Variants in STS observed in about 807,000 individuals in gnomAD.
STS encodes the protein steroid sulfatase.
Under a neutral mutation model 26.8 loss-of-function variants are expected in STS, and 7 were observed. That is an observed-to-expected ratio of 0.26 (90% CI 0.15 to 0.49). The LOEUF (loss-of-function observed/expected upper bound fraction) is 0.49, where lower values mean the gene tolerates loss of function less well. STS is among the 20% of genes least tolerant of loss of function. The pLI is 0.98. For synonymous variants in STS, 199 were observed against 189.4 expected, an observed-to-expected ratio of 1.05 and a Z score of -0.42; for missense variants, 434 against 465.6, an observed-to-expected ratio of 0.93 and a Z score of 0.63.
At chrX:7,317,419 G>T (rs1297608535) in intron 8 of STS, among the ~76,000 whole-genome samples, 3 of 111,131 alleles carry the variant, frequency 2.7e-5, no homozygotes, top group African/African-American at 9.8e-5. Flanking sequence ...ATTTTGGTTG[G>T]TGTTTAATCA....
intron 3 of STS, 61 bp downstream of exon 3, chrX:7,253,397 T>C: frequency 8.4e-7 from 1 of 1,186,256 alleles, no homozygotes; most frequent in Non-Finnish European, 1.1e-6. Context: ...GTCCCCGGGA[T>C]GGTTATTGTT....
At chrX:7,194,257 G>A (rs991785417) in intron 2 of STS, among the ~76,000 whole-genome samples, 2 of 111,263 alleles carry the variant, frequency 1.8e-5, no homozygotes, top group African/African-American at 6.6e-5. Flanking sequence ...GTTGTGTGCC[G>A]AGTCAGTTCC....
At chrX:7,331,341 T>C (rs1052780916) in intron 9 of STS, among the ~76,000 whole-genome samples, 4 of 111,590 alleles carry the variant, frequency 3.6e-5, no homozygotes, top group African/African-American at 1.3e-4. Flanking sequence ...ACCATCATTG[T>C]CAGTCAGGAA....
intron 2 of STS, among the ~76,000 whole-genome samples, chrX:7,224,010 G>A (rs1921692601): frequency 9.0e-6 from 1 of 110,967 alleles, no homozygotes; most frequent in African/African-American, 3.3e-5. Context: ...GAAAAGAGTG[G>A]AATATCATTC....
rs146002318 is a variant in STS at position 7,244,924 on chromosome X, G to A, written c.-4-8272G>A. Among the ~76,000 whole-genome samples the A allele has an allele frequency of 5.1e-3, 570 of 112,034 alleles. 1 individual carries two copies. Among genetic ancestry groups the A allele is most frequent in the Non-Finnish European group, 7.2e-3 (383 of 53,182 alleles). ...TTAAGAAGTAGGTAAAGCAGTTACA[G>A]TGCTTGGTACATACTAAGCACCCAA... On this transcript the variant is annotated intron_variant, in intron 2 of 10. Transcript: ENST00000674429.
rs377433081 is a variant in STS at position 7,257,528 on chromosome X, A to G, written c.322A>G (p.Thr108Ala). The G allele has an allele frequency of 5.8e-6, 7 of 1,210,348 alleles. No individual in the cohort carries two copies. Among genetic ancestry groups the G allele is most frequent in the Non-Finnish European group, 7.8e-6 (7 of 895,004 alleles). ...CACAGCCTCTTCGGGAGGACTTCCC[A>G]CCGATGAGATTACCTTTGCTAAGCT... ...LFTASSGGLP[T>A]DEITFAKLLK... Residue 108 changes from threonine to alanine, a missense_variant, in exon 5 of 11, where the codon ACC becomes GCC. By Grantham distance (58) the Thr-to-Ala change is moderately conservative. Coordinates refer to ENST00000674429, the MANE Select transcript of STS (RefSeq NM_001320752.2).
Position 7,192,740 on chromosome X carries a change from G to A in STS, c.-5+1732G>A, listed in dbSNP as rs147082601. 5.5e-3 allele frequency among the ~76,000 whole-genome samples: 617 copies of A among 111,821 alleles called. 4 individuals are homozygous for A. The highest frequency in any genetic ancestry group is 0.019 in the African/African-American group (593 of 30,763). On this transcript the variant is annotated intron_variant, in intron 2 of 10. Coordinates refer to ENST00000674429, the MANE Select transcript of STS (RefSeq NM_001320752.2). ...ATGATTTTCAGAAGGCAGCTTCGGG[G>A]GTTACGGATGGTAGTAGTTATGTGT...
At chrX:7,260,742 A>C (rs1286253441) in intron 6 of STS, among the ~76,000 whole-genome samples, 1 of 111,987 alleles carries the variant, frequency 8.9e-6, no homozygotes, top group Non-Finnish European at 1.9e-5. Flanking sequence ...TGTGGCCATC[A>C]AGAGAGGCAA....
At chrX:7,147,501 G>A (rs779758318), upstream of STS, among the ~76,000 whole-genome samples, 73 of 112,015 alleles carry the variant, frequency 6.5e-4, 1 homozygote, top group African/African-American at 2.2e-3. Context: ...CATCGCCATT[G>A]CCAGATGCCC....
chrX:7,193,192 T>C (rs1305652849), intron 2 of STS, among the ~76,000 whole-genome samples: 2 of 112,555 alleles, frequency 1.8e-5, no homozygotes, highest in African/African-American at 6.5e-5. Context: ...AACAGATTCA[T>C]TTTCCATTGT....
intron 9 of STS, among the ~76,000 whole-genome samples, chrX:7,329,557 G>T (rs1927649802): frequency 8.9e-6 from 1 of 112,358 alleles, no homozygotes; most frequent in African/African-American, 3.2e-5. Flanking sequence ...ACTCCTTCCT[G>T]CTCAGAGTGG....
chrX:7,205,222 G>A (rs1345301052), intron 2 of STS, among the ~76,000 whole-genome samples: 2 of 112,609 alleles, frequency 1.8e-5, no homozygotes, highest in African/African-American at 3.2e-5. Flanking sequence ...AAAGAAGAGG[G>A]GCTTTCCCTG....
intron 1 of STS, among the ~76,000 whole-genome samples, chrX:7,152,715 C>T (rs766279724): frequency 1.8e-5 from 2 of 112,815 alleles, no homozygotes; most frequent in South Asian, 7.3e-4. Context: ...CATCATTGCT[C>T]TCAACCATTT....
At chrX:7,254,200 G>T (rs757973909) in intron 3 of STS, among the ~76,000 whole-genome samples, 1 of 111,834 alleles carries the variant, frequency 8.9e-6, no homozygotes, top group East Asian at 2.8e-4. Flanking sequence ...CATGTTTTAG[G>T]ACCTCATAAC....
At chrX:7,232,578 G>C (rs1350589254) in intron 2 of STS, among the ~76,000 whole-genome samples, 2 of 111,610 alleles carry the variant, frequency 1.8e-5, no homozygotes, top group Non-Finnish European at 3.8e-5. Context: ...GATATAGCAG[G>C]CGAGCAGTTT....
chrX:7,239,313 A>G (rs1324134127), intron 2 of STS, among the ~76,000 whole-genome samples: 1 of 111,922 alleles, frequency 8.9e-6, no homozygotes, highest in Non-Finnish European at 1.9e-5. Flanking sequence ...TTGTGAATCA[A>G]ATTTCACCAG....
intron 1 of STS, among the ~76,000 whole-genome samples, chrX:7,182,856 C>T (rs1933707964): frequency 9.0e-6 from 1 of 110,560 alleles, no homozygotes; most frequent in Non-Finnish European, 1.9e-5. Context: ...ATAGTCCCCC[C>T]AAAATCATGT....
intron 6 of STS, among the ~76,000 whole-genome samples, chrX:7,262,449 A>T (rs1278573637): frequency 9.0e-6 from 1 of 111,710 alleles, no homozygotes; most frequent in Non-Finnish European, 1.9e-5. Flanking sequence ...TGGGGCTAAG[A>T]GGCAGTCTCC....
chrX:7,247,954 A>G (rs1355946738), intron 2 of STS, among the ~76,000 whole-genome samples: 1 of 112,011 alleles, frequency 8.9e-6, no homozygotes, highest in Non-Finnish European at 1.9e-5. Context: ...CTAAGGCTCA[A>G]TTAAGTAATT....
Sources: allele counts gnomAD v4.1 joint callset (sites outside exome capture counted in the v4.1 genomes callset), GRCh38; gene constraint gnomAD v4.1.1; transcripts MANE v1.5; gene names NCBI Gene and HGNC (gene_info 2026-07-23, HGNC 2026-07-21).